The following CACNB2 variants were observed in gnomAD, a reference collection of about 807,000 sequenced individuals.
CACNB2 encodes voltage-dependent L-type calcium channel subunit beta-2.
A neutral mutation model predicts 73.3 loss-of-function variants in CACNB2; 42 were observed. The ratio of observed to expected loss-of-function variants is 0.57; its 90% CI spans 0.45 to 0.74. CACNB2 has a LOEUF of 0.74. Among genes scored for constraint, CACNB2 ranks in the 30% least tolerant of loss-of-function variants. The pLI is 0.00. For missense variants in CACNB2, 940 were observed against 853.0 expected (o/e 1.10, Z -1.27); for synonymous variants, 348 against 310.3 (o/e 1.12, Z -1.28).
At chr10:18,506,836 A>G (rs1278628011) in intron 6 of CACNB2, among the ~76,000 whole-genome samples, 3 of 152,108 alleles carry the variant, frequency 2.0e-5, no homozygotes, top group Non-Finnish European at 2.9e-5. Context: ...GTCTCACTCT[A>G]TTGCCCACGC....
At chr10:18,279,224 G>A (rs1207346021) in intron 2 of CACNB2, among the ~76,000 whole-genome samples, 1 of 152,096 alleles carries the variant, frequency 6.6e-6, no homozygotes, top group African/African-American at 2.4e-5. Flanking sequence ...TTTCTTCCTG[G>A]AAGAAATTCA....
At chr10:18,312,326 TG>T (rs1290090118) in intron 2 of CACNB2, among the ~76,000 whole-genome samples, 1 of 152,206 alleles carries the variant, frequency 6.6e-6, no homozygotes, top group African/African-American at 2.4e-5. Flanking sequence ...ATATGTAAAA[TG>T]TGAAATATGC....
chr10:18,432,925 CA>C (rs2132848769), intron 3 of CACNB2, among the ~76,000 whole-genome samples: 1 of 152,076 alleles, frequency 6.6e-6, no homozygotes, highest in African/African-American at 2.4e-5. Flanking sequence ...GAAATATAGC[CA>C]AAGAAAATAT....
intron 3 of CACNB2, among the ~76,000 whole-genome samples, chr10:18,445,435 G>A (rs918012372): frequency 2.0e-5 from 3 of 152,144 alleles, no homozygotes; most frequent in African/African-American, 7.2e-5. Context: ...CCATATTTTG[G>A]CAACAGAGTT....
At chr10:18,330,520 T>C (rs2040757944) in intron 2 of CACNB2, among the ~76,000 whole-genome samples, 1 of 152,112 alleles carries the variant, frequency 6.6e-6, no homozygotes, top group East Asian at 1.9e-4. Context: ...TAGTGGTGTG[T>C]TCCTGTGATC....
At chr10:18,369,681 C>T (rs1465296429) in intron 2 of CACNB2, among the ~76,000 whole-genome samples, 1 of 152,096 alleles carries the variant, frequency 6.6e-6, no homozygotes, top group African/African-American at 2.4e-5. Context: ...CCCAGGCAGG[C>T]AGATCACCTG....
intron 2 of CACNB2, among the ~76,000 whole-genome samples, chr10:18,353,513 A>G (rs2041798420): frequency 6.6e-6 from 1 of 152,240 alleles, no homozygotes; most frequent in East Asian, 1.9e-4. Flanking sequence ...TTAACTCTGT[A>G]ACTTTATGAT....
At chr10:18,356,733 C>A (rs1234833460) in intron 2 of CACNB2, among the ~76,000 whole-genome samples, 1 of 151,908 alleles carries the variant, frequency 6.6e-6, no homozygotes, top group Non-Finnish European at 1.5e-5. Context: ...AGGGCTCAAG[C>A]AATCCTCCCA....
At chr10:18,484,580 G>C (rs11813115) in intron 3 of CACNB2, among the ~76,000 whole-genome samples, 5,093 of 152,146 alleles carry the variant, frequency 0.033, 265 homozygotes, top group African/African-American at 0.12. Flanking sequence ...GCTCAAATTA[G>C]TGTGAACCCA....
intron 2 of CACNB2, among the ~76,000 whole-genome samples, chr10:18,165,953 C>A (rs1051665707): frequency 1.3e-5 from 2 of 152,068 alleles, no homozygotes; most frequent in African/African-American, 4.8e-5. Context: ...ATATTGTGTT[C>A]ATGTTAGATT....
rs566053908 is a variant in CACNB2 at position 18,447,381 on chromosome 10, G to T, written c.333+45338G>T. 1.2e-4 allele frequency among the ~76,000 whole-genome samples: 19 copies of T among 152,286 alleles called. No individual in the cohort carries two copies. In the South Asian group the frequency reaches 3.9e-3, roughly 32 times the overall value. On this transcript the variant is annotated intron_variant, in intron 3 of 13. Coordinates refer to ENST00000324631, the MANE Select transcript of CACNB2 (RefSeq NM_201596.3). The stretch of plus-strand genomic sequence containing the variant: ...TAATCTGGGGTTATCACCTAGGGGT[G>T]ATCATTGAATTCATAAAGGTGAAAT...
intron 2 of CACNB2, among the ~76,000 whole-genome samples, chr10:18,218,912 C>G (rs1362699063): frequency 6.6e-6 from 1 of 152,134 alleles, no homozygotes; most frequent in Admixed American, 6.6e-5. Context: ...GCCTGTAATC[C>G]CAACACTTTG....
In CACNB2 at chr10:18,527,404, G is replaced by A. The variant is rs549689375; in HGVS notation, c.945-184G>A. Among the ~76,000 whole-genome samples, 9 of 151,950 alleles carry A rather than the reference G, an allele frequency of 5.9e-5. No homozygotes were observed. The South Asian group carries it at 1.7e-3, about 28-fold the overall frequency. On this transcript the variant is annotated intron_variant, in intron 9 of 13. Transcript: ENST00000324631. ...AACAAACAAAAAACAAAGTAAGGCA[G>A]GTGCAAGATAAAAATGAATAAGTAA...
intron 3 of CACNB2, among the ~76,000 whole-genome samples, chr10:18,433,384 T>C (rs908177598): frequency 6.6e-6 from 1 of 152,204 alleles, no homozygotes; most frequent in Admixed American, 6.5e-5. Flanking sequence ...AATTCAATTT[T>C]AGTGGAGACC....
In CACNB2 at chr10:18,422,010, T is replaced by C. The variant is rs2045351638; in HGVS notation, c.333+19967T>C. On this transcript the variant is annotated intron_variant, in intron 3 of 13. Coordinates refer to ENST00000324631, the MANE Select transcript of CACNB2 (RefSeq NM_201596.3). ...AAATACTTTCTTGTGCTATAGCTGT[T>C]AAGCATGTTCTAGTTTAAACAGTTG... Among the ~76,000 whole-genome samples the C allele has an allele frequency of 3.3e-5, 5 of 152,260 alleles. No homozygotes were observed. The South Asian group carries it at 1.0e-3, about 31-fold the overall frequency.
At chr10:18,209,976 G>C (rs2035251880) in intron 2 of CACNB2, among the ~76,000 whole-genome samples, 1 of 152,168 alleles carries the variant, frequency 6.6e-6, no homozygotes, top group Admixed American at 6.5e-5. Flanking sequence ...AGAAAGAAAA[G>C]GATGTATTTC....
At chr10:18,473,983 G>GT (rs1216603405) in intron 3 of CACNB2, among the ~76,000 whole-genome samples, 1 of 152,098 alleles carries the variant, frequency 6.6e-6, no homozygotes, top group Non-Finnish European at 1.5e-5. Flanking sequence ...CTGGGCTTCC[G>GT]TTTTTCATTT....
At chr10:18,401,124 T>A (rs762295397) in intron 2 of CACNB2, 1 of 1,613,950 alleles carries the variant, frequency 6.2e-7, no homozygotes, top group Non-Finnish European at 8.5e-7. Context: ...CTTTCGTTTG[T>A]GGGGAGAGGT....
At chr10:18,497,014 C>T (rs2049872762) in intron 3 of CACNB2, among the ~76,000 whole-genome samples, 2 of 150,770 alleles carry the variant, frequency 1.3e-5, no homozygotes, top group Non-Finnish European at 3.0e-5. Context: ...GGTTCGAGAC[C>T]AGCTTGGCCA....
Sources: allele counts gnomAD v4.1 joint callset (sites outside exome capture counted in the v4.1 genomes callset), GRCh38; gene constraint gnomAD v4.1.1; transcripts MANE v1.5; gene names NCBI Gene and HGNC (gene_info 2026-07-23, HGNC 2026-07-21).